Variants in GPHN observed in about 807,000 individuals in gnomAD.
The protein encoded by GPHN is gephyrin.
GPHN carries 17 observed loss-of-function variants against 95.5 expected under a neutral mutation model. The ratio of observed to expected loss-of-function variants is 0.18; its 90% CI spans 0.12 to 0.27. The LOEUF (loss-of-function observed/expected upper bound fraction) is 0.27, where lower values mean the gene tolerates loss of function less well. Among genes scored for constraint, GPHN ranks in the 10% least tolerant of loss-of-function variants. The pLI is 1.00. For synonymous variants in GPHN, 320 were observed against 322.5 expected, an observed-to-expected ratio of 0.99 and a Z score of 0.08; for missense variants, 660 against 978.1, an observed-to-expected ratio of 0.67 and a Z score of 4.34.
chr14:67,571,816 GCT>G, the GPHN span: 1 of 1,613,952 alleles, frequency 6.2e-7, no homozygotes. Context: ...GATGACTGCA[GCT>G]CTCAGGCGAG....
At chr14:67,606,024 T>A in the GPHN span, among the ~76,000 whole-genome samples, 3 of 152,176 alleles carry the variant, frequency 2.0e-5, no homozygotes, top group Non-Finnish European at 4.4e-5. Context: ...CTCATGTTAA[T>A]GTGTGCTTTG....
chr14:67,185,462 A>G (rs965852313), downstream of GPHN, among the ~76,000 whole-genome samples: 1 of 152,246 alleles, frequency 6.6e-6, no homozygotes, highest in African/African-American at 2.4e-5. Context: ...CATCAATTTC[A>G]TCTAATCTAT....
At chr14:67,218,953 G>A in the GPHN span, among the ~76,000 whole-genome samples, 1 of 151,996 alleles carries the variant, frequency 6.6e-6, no homozygotes, top group Non-Finnish European at 1.5e-5. Context: ...CACAGGTGGT[G>A]TTGTCGTGTT....
chr14:67,695,560 T>G, the GPHN span: 1 of 1,474,036 alleles, frequency 6.8e-7, no homozygotes, highest in Non-Finnish European at 9.3e-7. Context: ...AAAGCTTTGG[T>G]GGGGATTCTA....
chr14:67,452,503 G>A, the GPHN span, among the ~76,000 whole-genome samples: 11 of 152,046 alleles, frequency 7.2e-5, no homozygotes, highest in Non-Finnish European at 1.2e-4. Flanking sequence ...CCCAGTCTCC[G>A]CTATGTCTTT....
chr14:67,060,391 A>G (rs2075778735), intron 11 of GPHN, among the ~76,000 whole-genome samples: 1 of 152,166 alleles, frequency 6.6e-6, no homozygotes, highest in Non-Finnish European at 1.5e-5. Context: ...TCCACCTATG[A>G]TGATGAAAAA....
intron 4 of GPHN, among the ~76,000 whole-genome samples, chr14:66,852,799 T>G (rs2062643654): frequency 6.6e-6 from 1 of 152,192 alleles, no homozygotes. Flanking sequence ...AAAAATAAAA[T>G]TAGTGAACTC....
At chr14:66,983,730 T>C (rs1057147988) in intron 9 of GPHN, among the ~76,000 whole-genome samples, 2 of 152,200 alleles carry the variant, frequency 1.3e-5, no homozygotes, top group African/African-American at 4.8e-5. Context: ...TTTTTTCTTC[T>C]TATAATTCAT....
chr14:67,436,210 C>T, the GPHN span, among the ~76,000 whole-genome samples: 18 of 152,324 alleles, frequency 1.2e-4, no homozygotes, highest in East Asian at 3.5e-3. Context: ...GGTTGGCCAA[C>T]CTCCTCCAAG....
At chr14:67,167,629 A>C (rs1014291830) in intron 20 of GPHN, among the ~76,000 whole-genome samples, 4 of 152,210 alleles carry the variant, frequency 2.6e-5, no homozygotes. Context: ...TTGATGATGC[A>C]ATAAGCAGTG....
the GPHN span, chr14:67,385,887 C>CAGTT: frequency 6.6e-6 from 1 of 152,126 alleles, no homozygotes; most frequent in African/African-American, 2.4e-5. Context: ...CTAAGAAGAA[C>CAGTT]AGTTATTACT....
chr14:66,913,203 A>G (rs2065753543), intron 5 of GPHN, among the ~76,000 whole-genome samples: 2 of 152,174 alleles, frequency 1.3e-5, no homozygotes, highest in Non-Finnish European at 2.9e-5. Flanking sequence ...TTAGCCTCAT[A>G]TTACTCCTCT....
chr14:67,723,770 T>C, the GPHN span, among the ~76,000 whole-genome samples: 1 of 152,266 alleles, frequency 6.6e-6, no homozygotes. Flanking sequence ...TCAGATGATG[T>C]GCAGGAAATG....
At chr14:66,937,291 A>G (rs933880637) in intron 8 of GPHN, among the ~76,000 whole-genome samples, 6 of 152,196 alleles carry the variant, frequency 3.9e-5, no homozygotes, top group African/African-American at 1.2e-4. Context: ...GGCATGAGCC[A>G]CAGAGCCTGG....
At chr14:67,191,934 T>G in the GPHN span, among the ~76,000 whole-genome samples, 1 of 152,234 alleles carries the variant, frequency 6.6e-6, no homozygotes, top group African/African-American at 2.4e-5. Context: ...TGTAGCTGTC[T>G]GCTGAATGAA....
At chr14:67,281,504 CTAT>C in the GPHN span, among the ~76,000 whole-genome samples, 1 of 152,088 alleles carries the variant, frequency 6.6e-6, no homozygotes, top group Non-Finnish European at 1.5e-5. Context: ...TCCCACCACT[CTAT>C]TATTATTTAT....
chr14:66,583,467 G>A (rs976038473), intron 1 of GPHN, among the ~76,000 whole-genome samples: 1 of 152,050 alleles, frequency 6.6e-6, no homozygotes, highest in South Asian at 2.1e-4. Context: ...GCCCATGTCT[G>A]TGTCCTGAAT....
intron 2 of GPHN, among the ~76,000 whole-genome samples, chr14:66,767,438 A>C (rs2059002228): frequency 8.5e-6 from 1 of 118,018 alleles, no homozygotes. Context: ...CGCTTTTTGA[A>C]CAGAAAAAAA....
chr14:67,256,683 G>T, the GPHN span, among the ~76,000 whole-genome samples: 1 of 152,068 alleles, frequency 6.6e-6, no homozygotes, highest in Non-Finnish European at 1.5e-5. Context: ...AAGTAGCTGG[G>T]ATTACAGGCA....
Sources: gnomAD v4.1 joint callset for allele counts (sites outside exome capture counted in the v4.1 genomes callset) on GRCh38, gnomAD v4.1.1 for gene constraint, MANE v1.5 for transcripts, NCBI Gene and HGNC (gene_info 2026-07-23, HGNC 2026-07-21) for gene names.